Variants in CFAP20DC observed in about 807,000 individuals in gnomAD.
CFAP20DC encodes protein CFAP20DC.
CFAP20DC carries 84 observed loss-of-function variants against 101.7 expected under a neutral mutation model. The ratio of observed to expected loss-of-function variants is 0.83; its 90% confidence interval spans 0.69 to 0.99. CFAP20DC has a LOEUF of 0.99. CFAP20DC is among the 50% of genes least tolerant of loss of function. The pLI is 0.00. For synonymous variants in CFAP20DC, 359 were observed against 351.2 expected (o/e 1.02, Z -0.25); for missense variants, 1,007 against 970.3 (o/e 1.04, Z -0.50).
At chr3:58,857,552 T>G (rs747005633) in intron 12 of CFAP20DC, among the ~76,000 whole-genome samples, 1 of 152,222 alleles carries the variant, frequency 6.6e-6, no homozygotes, top group Admixed American at 6.5e-5. Context: ...TCCACAGTAA[T>G]ACATTTCCAT....
intron 4 of CFAP20DC, among the ~76,000 whole-genome samples, chr3:58,951,600 A>G (rs926964347): frequency 9.9e-5 from 15 of 152,258 alleles, no homozygotes; most frequent in African/African-American, 3.1e-4. Context: ...AGTTCATGTC[A>G]TTTGTAGGGA....
chr3:58,990,566 T>C (rs1167364490), intron 4 of CFAP20DC, among the ~76,000 whole-genome samples: 2 of 152,178 alleles, frequency 1.3e-5, no homozygotes, highest in Non-Finnish European at 2.9e-5. Context: ...GTACTTATCC[T>C]GACCATTTTT....
At chr3:58,739,843 C>A (rs2067841911), downstream of CFAP20DC, among the ~76,000 whole-genome samples, 1 of 152,170 alleles carries the variant, frequency 6.6e-6, no homozygotes, top group East Asian at 1.9e-4. Flanking sequence ...CTGGGAAGCA[C>A]ATCTATTTTT....
intron 5 of CFAP20DC, among the ~76,000 whole-genome samples, chr3:58,935,823 G>A (rs2087496586): frequency 6.6e-6 from 1 of 152,128 alleles, no homozygotes; most frequent in East Asian, 1.9e-4. Flanking sequence ...AAAAACCCTA[G>A]AAGAAAACCT....
At chr3:58,825,653 G>A (rs2075992259) in intron 14 of CFAP20DC, among the ~76,000 whole-genome samples, 1 of 152,074 alleles carries the variant, frequency 6.6e-6, no homozygotes, top group African/African-American at 2.4e-5. Flanking sequence ...TCCAAAGGCT[G>A]CCGAGAGCCC....
At position 58,827,437 on chromosome 3, in the gene CFAP20DC, G is replaced by C. The variant is rs1004123885; in HGVS notation, c.2175+4249C>G. Among the ~76,000 whole-genome samples the C allele has an allele frequency of 2.0e-5, 3 of 149,246 alleles. No homozygotes were observed. In the East Asian group the frequency reaches 6.0e-4, roughly 30 times the overall value. On this transcript the variant is annotated intron_variant, in intron 14 of 16. Coordinates refer to ENST00000482387, the MANE Select transcript of CFAP20DC (RefSeq NM_001394063.1). ...GTGTATGTTGGGTGGGGGGTGGGTA[G>C]CGAGACAAGCAAAACTCATTTCAAG...
chr3:58,857,159 C>T (rs1400737449), intron 12 of CFAP20DC, among the ~76,000 whole-genome samples: 1 of 152,126 alleles, frequency 6.6e-6, no homozygotes, highest in Admixed American at 6.5e-5. Context: ...GTGATAACAT[C>T]ATAAGGTAGA....
intron 11 of CFAP20DC, among the ~76,000 whole-genome samples, chr3:58,865,021 C>T (rs368231494): frequency 8.6e-4 from 130 of 151,180 alleles, no homozygotes; most frequent in Middle Eastern, 3.5e-3. Context: ...ATAATGATAT[C>T]GTTGAAAGCA....
rs1305507696 is a variant in CFAP20DC at position 58,964,574 on chromosome 3, T to C, written c.279-26812A>G. Among the ~76,000 whole-genome samples, 1 of 152,188 alleles carries C rather than the reference T, an allele frequency of 6.6e-6. No individual in the cohort carries two copies. Among genetic ancestry groups the C allele is most frequent in the African/African-American group, 2.4e-5 (1 of 41,458 alleles). ...CTCGCCTGTGGCTTGTAATCCCCTT[T>C]TTAAGAAATAAAGTTCTCTTTTCTA... is the stretch of plus-strand genomic sequence containing the variant. On this transcript the variant is annotated intron_variant, in intron 4 of 16. Coordinates refer to ENST00000482387, the MANE Select transcript of CFAP20DC (RefSeq NM_001394063.1). This position sits in a 1 kb window ranked among gnomAD's most constrained non-coding sequence, Gnocchi z 4.1.
rs1346171987 is a variant in CFAP20DC at position 59,006,130 on chromosome 3, A to T, written c.278+33427T>A. 6.6e-6 allele frequency among the ~76,000 whole-genome samples: 1 copy of T among 152,012 alleles called. No homozygotes were observed. On this transcript the variant is annotated intron_variant, in intron 4 of 16. Transcript: ENST00000482387. This position sits in a 1 kb window ranked among gnomAD's most constrained non-coding sequence, Gnocchi z 4.3. The stretch of plus-strand genomic sequence containing the variant: ...ATATATACACACATCTATACATGGA[A>T]GGATGGATGGATGGATGGATGGATG...
At chr3:58,937,577 T>C (rs2087885265) in intron 5 of CFAP20DC, 71 bp downstream of exon 5, 7 of 937,826 alleles carry the variant, frequency 7.5e-6, no homozygotes, top group Non-Finnish European at 1.2e-5. Flanking sequence ...ACCTCACATA[T>C]GGAGTCAGCC....
At chr3:58,813,503 G>C (rs1472080989) in intron 14 of CFAP20DC, among the ~76,000 whole-genome samples, 1 of 151,918 alleles carries the variant, frequency 6.6e-6, no homozygotes, top group Non-Finnish European at 1.5e-5. Context: ...TTGGTGTTAA[G>C]GGTTTCTCAC....
intron 6 of CFAP20DC, among the ~76,000 whole-genome samples, chr3:58,889,237 A>T (rs1218118380): frequency 6.6e-6 from 1 of 152,220 alleles, no homozygotes; most frequent in African/African-American, 2.4e-5. Context: ...TGGGCAGCGT[A>T]GTTCTAGACA....
chr3:58,879,019 A>G (rs78751868), intron 7 of CFAP20DC, among the ~76,000 whole-genome samples: 8 of 151,916 alleles, frequency 5.3e-5, no homozygotes, highest in Non-Finnish European at 7.4e-5. Context: ...GAAAAAAAAA[A>G]AAAACAAAAG....
intron 4 of CFAP20DC, among the ~76,000 whole-genome samples, chr3:58,961,739 T>C (rs915384197): frequency 5.3e-5 from 8 of 152,242 alleles, no homozygotes; most frequent in African/African-American, 1.9e-4. Flanking sequence ...TTTTTTTTTC[T>C]TGATTCAGTT....
chr3:58,759,631 T>C (rs377076290), intron 15 of CFAP20DC, among the ~76,000 whole-genome samples: 3 of 152,194 alleles, frequency 2.0e-5, no homozygotes, highest in Non-Finnish European at 2.9e-5. Context: ...CTGGATGGTA[T>C]TGCCTAGGTT....
intron 4 of CFAP20DC, among the ~76,000 whole-genome samples, chr3:58,963,671 TA>T (rs2108266825): frequency 6.6e-6 from 1 of 152,302 alleles, no homozygotes; most frequent in East Asian, 1.9e-4. Context: ...TCATAAAAAG[TA>T]ATGTATGCTC....
chr3:59,012,393 G>C (rs1026893971), intron 4 of CFAP20DC, among the ~76,000 whole-genome samples: 4 of 151,990 alleles, frequency 2.6e-5, no homozygotes, highest in African/African-American at 7.3e-5. Context: ...AGAAAGAAAG[G>C]AGTGAAGACT....
chr3:58,858,009 T>C (rs2078975317), intron 12 of CFAP20DC, among the ~76,000 whole-genome samples: 1 of 152,184 alleles, frequency 6.6e-6, no homozygotes, highest in South Asian at 2.1e-4. Context: ...TAGTGTATCA[T>C]GACCTGGTTG....
Sources: gnomAD v4.1 joint callset for allele counts (sites outside exome capture counted in the v4.1 genomes callset) on GRCh38, gnomAD v4.1.1 for gene constraint, Gnocchi (gnomAD v3.1) non-coding constraint, MANE v1.5 for transcripts, NCBI Gene and HGNC (gene_info 2026-07-23, HGNC 2026-07-21) for gene names.